The following UBE2K variants were observed in gnomAD, a reference collection of about 807,000 sequenced individuals.
UBE2K encodes the protein ubiquitin conjugating enzyme E2 K, also known as ubiquitin-conjugating enzyme E2 K.
Under a neutral mutation model 30.0 loss-of-function variants are expected in UBE2K, and 6 were observed. The observed-to-expected ratio is 0.20, with a 90% confidence interval of 0.11 to 0.39. The LOEUF is 0.39. Among genes scored for constraint, UBE2K ranks in the 10% least tolerant of loss-of-function variants. The pLI is 1.00. For synonymous variants in UBE2K, 86 were observed against 83.7 expected (o/e 1.03, Z -0.15); for missense variants, 61 against 241.6 (o/e 0.25, Z 4.96).
chr4:39,712,124 G>GC (rs1261684436), intron 1 of UBE2K, among the ~76,000 whole-genome samples: 20 of 144,626 alleles, frequency 1.4e-4, no homozygotes, highest in Non-Finnish European at 2.3e-4. Context: ...ACTTGAAACC[G>GC]CCCCCCCTTT....
chr4:39,709,696 A>G (rs577217182), intron 1 of UBE2K, among the ~76,000 whole-genome samples: 1 of 152,144 alleles, frequency 6.6e-6, no homozygotes, highest in Admixed American at 6.5e-5. Context: ...AATACAAAGG[A>G]ATATATGTGG....
chr4:39,728,416 G>A (rs1470358536), intron 1 of UBE2K, among the ~76,000 whole-genome samples: 4 of 152,262 alleles, frequency 2.6e-5, no homozygotes, highest in South Asian at 2.1e-4. Flanking sequence ...TTGAGGCAGC[G>A]GTGAGCTATG....
chr4:39,742,142 G>A (rs144761310), intron 2 of UBE2K, among the ~76,000 whole-genome samples: 6 of 151,954 alleles, frequency 3.9e-5, no homozygotes, highest in African/African-American at 1.4e-4. Flanking sequence ...AAAGAACTTT[G>A]TATGATGGGT....
In UBE2K at chr4:39,779,964, T is replaced by C. The variant is rs1176522798; in HGVS notation, c.*1530T>C. On this transcript the variant is annotated 3_prime_UTR_variant, in exon 7 of 7. Coordinates refer to ENST00000261427, the MANE Select transcript of UBE2K (RefSeq NM_005339.5). ...TCATTTGACTTCTCAATAATCTTGA[T>C]ACTAGAAGCAATAAAAGAACCATTA... 6.6e-6 allele frequency: 1 copy of C among 152,182 alleles called. No individual in the cohort carries two copies. Among genetic ancestry groups the C allele is most frequent in the Non-Finnish European group, 1.5e-5 (1 of 68,010 alleles). The allele number at this position is 152,182 out of a possible 1,614,324, so 9.4% of individuals were successfully genotyped here. A position where few individuals can be genotyped will look rare whatever the true frequency, so the allele number is the denominator to read the frequency against.
At chr4:39,734,292 G>T (rs1720235890) in intron 1 of UBE2K, among the ~76,000 whole-genome samples, 1 of 151,790 alleles carries the variant, frequency 6.6e-6, no homozygotes, top group Non-Finnish European at 1.5e-5. Flanking sequence ...ATTTCACCAT[G>T]TTGGCCTCAA....
intron 5 of UBE2K, among the ~76,000 whole-genome samples, chr4:39,776,388 C>T (rs1440008683): frequency 6.6e-6 from 1 of 152,180 alleles, no homozygotes; most frequent in Non-Finnish European, 1.5e-5. Context: ...CCATCTTCTA[C>T]ATTGCTATCA....
intron 5 of UBE2K, among the ~76,000 whole-genome samples, chr4:39,775,802 A>T (rs1338226334): frequency 4.7e-5 from 7 of 148,828 alleles, no homozygotes; most frequent in African/African-American, 1.2e-4. Flanking sequence ...TATAATGGAC[A>T]TTTTTTTTTT....
intron 4 of UBE2K, chr4:39,771,333 C>T (rs1712814754): frequency 1.9e-6 from 3 of 1,612,518 alleles, no homozygotes; most frequent in Non-Finnish European, 2.5e-6. Flanking sequence ...CCACAATGGT[C>T]ACGTCGCAGA....
chr4:39,699,351 C>T (rs990363725), intron 1 of UBE2K, among the ~76,000 whole-genome samples: 3 of 152,164 alleles, frequency 2.0e-5, no homozygotes, highest in Admixed American at 6.5e-5. Context: ...TGTGAAATTT[C>T]ACCAGATTAA....
intron 1 of UBE2K, among the ~76,000 whole-genome samples, chr4:39,722,555 A>G (rs1377131195): frequency 6.6e-6 from 1 of 152,168 alleles, no homozygotes; most frequent in Non-Finnish European, 1.5e-5. Context: ...TCCTTTTACC[A>G]GGTGCACTCA....
At chr4:39,757,505 T>C (rs558878885) in intron 4 of UBE2K, among the ~76,000 whole-genome samples, 63 of 152,206 alleles carry the variant, frequency 4.1e-4, no homozygotes, top group African/African-American at 1.2e-3. Context: ...TCTGAGTAAA[T>C]CCTGTCCCTC....
intron 1 of UBE2K, among the ~76,000 whole-genome samples, chr4:39,707,183 T>C (rs182116189): frequency 6.9e-4 from 105 of 152,116 alleles, no homozygotes; most frequent in African/African-American, 2.4e-3. Flanking sequence ...GTGCTGGGCT[T>C]ACATGTGTGA....
chr4:39,764,786 T>G (rs1712204190), intron 4 of UBE2K, among the ~76,000 whole-genome samples: 1 of 152,088 alleles, frequency 6.6e-6, no homozygotes, highest in African/African-American at 2.4e-5. Context: ...AATGGTAATC[T>G]AGAGTCTGTA....
Position 39,698,335 on chromosome 4 carries a change from A to G in UBE2K, c.8A>G (p.Asn3Ser). Residue 3 changes from asparagine to serine, a missense_variant, in exon 1 of 7, where the codon AAC becomes AGC. Physicochemically the swap from Asn to Ser is conservative, Grantham distance 46. Transcript: ENST00000261427. The part of the protein sequence containing the change: MA[N>S]IAVQRIKREF... The stretch of plus-strand genomic sequence containing the variant: ...TCAGCTGCGGGCGGAGACATGGCCA[A>G]CATCGCGGTGCAGCGAATCAAGCGG... 1 of 1,612,890 alleles carries G rather than the reference A, an allele frequency of 6.2e-7. No homozygotes were observed. Among genetic ancestry groups the G allele is most frequent in the Non-Finnish European group, 8.5e-7 (1 of 1,179,626 alleles).
intron 1 of UBE2K, among the ~76,000 whole-genome samples, chr4:39,720,412 G>T (rs1467191898): frequency 6.6e-6 from 1 of 151,476 alleles, no homozygotes; most frequent in Non-Finnish European, 1.5e-5. Context: ...ATTCTTTAGT[G>T]TAACTTTACA....
At position 39,714,535 on chromosome 4, in the gene UBE2K, TATA is replaced by T. The variant is rs1718909566; in HGVS notation, c.63+16146_63+16148del. ...GAAGTTTCATATATATATATATATA[TATA>T]TATATATATATATTTTTTTTTTTTT... On this transcript the variant is annotated intron_variant, in intron 1 of 6. Coordinates refer to ENST00000261427, the MANE Select transcript of UBE2K (RefSeq NM_005339.5). 7 of 38,642 alleles carry T rather than the reference TATA, an allele frequency of 1.8e-4. 1 individual carries two copies. The highest frequency in any genetic ancestry group is 1.1e-3 in the East Asian group (1 of 878). The allele number at this position is 38,642 out of a possible 1,614,324, so 2.4% of individuals were successfully genotyped here.
In UBE2K at chr4:39,722,680, C is replaced by T. The variant is rs983776065; in HGVS notation, c.64-14740C>T. 9.4e-5 allele frequency among the ~76,000 whole-genome samples: 14 copies of T among 148,978 alleles called. No individual in the cohort carries two copies. In the South Asian group the frequency reaches 1.7e-3, roughly 18 times the overall value. ...AGTACCCGGAGAAAACCCACAAAGA[C>T]GTGGGGAGAACATGGCAAGCTCCAC... On this transcript the variant is annotated intron_variant, in intron 1 of 6. Transcript: ENST00000261427.
At chr4:39,773,965 G>C (rs1236987798) in intron 4 of UBE2K, among the ~76,000 whole-genome samples, 1 of 151,952 alleles carries the variant, frequency 6.6e-6, no homozygotes, top group Non-Finnish European at 1.5e-5. Flanking sequence ...TTGGCAACAA[G>C]AAAAACAAGG....
rs150951191 is a variant in UBE2K, at chr4:39,749,210, A to G, written c.216+3400A>G. On this transcript the variant is annotated intron_variant, in intron 3 of 6. Transcript: ENST00000261427. ...TGACCGGAAGAGTAGGCTTACTTCT[A>G]AAACAGAGAAAATATATCTTTGAAT... Among the ~76,000 whole-genome samples the G allele has an allele frequency of 6.3e-3, 962 of 152,350 alleles. 13 individuals are homozygous for G. Among genetic ancestry groups the G allele is most frequent in the African/African-American group, 0.022 (894 of 41,572 alleles).
Sources: gnomAD v4.1 joint callset for allele counts (sites outside exome capture counted in the v4.1 genomes callset) on GRCh38, gnomAD v4.1.1 for gene constraint, MANE v1.5 for transcripts, NCBI Gene and HGNC (gene_info 2026-07-23, HGNC 2026-07-21) for gene names.